Variants in DNER observed in about 807,000 individuals in gnomAD.
DNER encodes delta/notch like EGF repeat containing.
In DNER, 33 loss-of-function variants were observed where a neutral mutation model predicts 78.2. The observed-to-expected ratio is 0.42, with a 90% CI of 0.32 to 0.56. The LOEUF (loss-of-function observed/expected upper bound fraction) is 0.56. Among genes scored for constraint, DNER ranks in the 20% least tolerant of loss-of-function variants. The pLI is 0.11. For synonymous variants in DNER, 417 were observed against 384.8 expected (o/e 1.08, Z -0.98); for missense variants, 918 against 975.3 (o/e 0.94, Z 0.78).
chr2:229,360,501 C>T (rs1692187585), intron 12 of DNER, among the ~76,000 whole-genome samples: 1 of 152,174 alleles, frequency 6.6e-6, no homozygotes, highest in Non-Finnish European at 1.5e-5. Flanking sequence ...CAAGCTCCAC[C>T]TCCTATGTTC....
chr2:229,674,051 C>G (rs1286772631), intron 1 of DNER, among the ~76,000 whole-genome samples: 1 of 152,202 alleles, frequency 6.6e-6, no homozygotes, highest in East Asian at 1.9e-4. Flanking sequence ...GAACACAACC[C>G]CTATTGGTCT....
At chr2:229,490,986 C>T (rs1695386675) in intron 6 of DNER, among the ~76,000 whole-genome samples, 1 of 152,156 alleles carries the variant, frequency 6.6e-6, no homozygotes, top group Non-Finnish European at 1.5e-5. Flanking sequence ...GTTTATTCTG[C>T]CCCAGACTCC....
At chr2:229,442,133 GA>G (rs1187574721) in intron 8 of DNER, among the ~76,000 whole-genome samples, 1 of 152,102 alleles carries the variant, frequency 6.6e-6, no homozygotes, top group African/African-American at 2.4e-5. Context: ...GGATCTGGAG[GA>G]AAAAGGTAAT....
At chr2:229,493,831 G>A (rs767983528) in intron 6 of DNER, among the ~76,000 whole-genome samples, 10 of 152,142 alleles carry the variant, frequency 6.6e-5, no homozygotes, top group Non-Finnish European at 1.0e-4. Flanking sequence ...GAAGAAGCAG[G>A]CCCAGAGAGT....
chr2:229,677,347 C>T (rs1207664844), intron 1 of DNER, among the ~76,000 whole-genome samples: 3 of 152,130 alleles, frequency 2.0e-5, no homozygotes, highest in Middle Eastern at 3.2e-3. Context: ...ATCATGAGCT[C>T]GATCACTCTG....
At chr2:229,481,177 G>C (rs1278883105) in intron 6 of DNER, among the ~76,000 whole-genome samples, 1 of 152,152 alleles carries the variant, frequency 6.6e-6, no homozygotes, top group South Asian at 2.1e-4. Context: ...TGCTTGGTGC[G>C]AGCGTTTCCC....
At chr2:229,711,022 G>T (rs1050113096) in intron 1 of DNER, among the ~76,000 whole-genome samples, 4 of 102,566 alleles carry the variant, frequency 3.9e-5, no homozygotes, top group African/African-American at 1.5e-4. Context: ...CACACACACA[G>T]GATACAAAAA....
intron 11 of DNER, among the ~76,000 whole-genome samples, chr2:229,370,862 C>A (rs116321889): frequency 0.014 from 2,068 of 152,280 alleles, 20 homozygotes; most frequent in Non-Finnish European, 0.02. Context: ...AGCTTCATAG[C>A]ATTAACCTAC....
At chr2:229,631,888 G>A (rs746874019) in intron 1 of DNER, among the ~76,000 whole-genome samples, 4 of 152,194 alleles carry the variant, frequency 2.6e-5, no homozygotes, top group Non-Finnish European at 5.9e-5. Context: ...AGAATTAAAC[G>A]AGCTAACAAA....
At chr2:229,640,760 T>C (rs1011299580) in intron 1 of DNER, among the ~76,000 whole-genome samples, 2 of 152,218 alleles carry the variant, frequency 1.3e-5, no homozygotes, top group African/African-American at 4.8e-5. Context: ...GCTGAGGACC[T>C]AGCGGAAGTT....
At chr2:229,461,067 C>T (rs957457075) in intron 7 of DNER, among the ~76,000 whole-genome samples, 4 of 152,002 alleles carry the variant, frequency 2.6e-5, no homozygotes, top group African/African-American at 9.7e-5. Context: ...TTTTACAACA[C>T]AAGGTGGAAA....
chr2:229,410,362 G>A (rs149223219), intron 9 of DNER, among the ~76,000 whole-genome samples: 3 of 152,308 alleles, frequency 2.0e-5, no homozygotes, highest in African/African-American at 7.2e-5. Context: ...ATAATGCGTG[G>A]AAGAAATTAT....
At chr2:229,424,600 T>A (rs1693835788) in intron 8 of DNER, among the ~76,000 whole-genome samples, 2 of 152,304 alleles carry the variant, frequency 1.3e-5, no homozygotes, top group South Asian at 4.2e-4. Context: ...CTTTTCTCTG[T>A]GTGTGAGTGC....
At chr2:229,636,096 G>A (rs1014258227) in intron 1 of DNER, among the ~76,000 whole-genome samples, 9 of 152,154 alleles carry the variant, frequency 5.9e-5, no homozygotes, top group South Asian at 2.1e-4. Context: ...ACATTCTCCC[G>A]TGGCACACCG....
At chr2:229,552,516 G>T (rs1211153225) in intron 4 of DNER, among the ~76,000 whole-genome samples, 1 of 152,194 alleles carries the variant, frequency 6.6e-6, no homozygotes, top group Non-Finnish European at 1.5e-5. Flanking sequence ...TCACCCTCAT[G>T]CTGTTCTCCT....
At chr2:229,524,968 C>T (rs1056688915) in intron 5 of DNER, among the ~76,000 whole-genome samples, 2 of 152,170 alleles carry the variant, frequency 1.3e-5, no homozygotes, top group African/African-American at 2.4e-5. Flanking sequence ...GAACTCCCTT[C>T]GGGACGTCCC....
At chr2:229,416,028 A>G (rs114213689) in intron 9 of DNER, among the ~76,000 whole-genome samples, 2 of 152,334 alleles carry the variant, frequency 1.3e-5, no homozygotes, top group African/African-American at 4.8e-5. Context: ...CTATTTGAAA[A>G]TAAGACTTTC....
chr2:229,577,354 T>C (rs1012303890), intron 4 of DNER, among the ~76,000 whole-genome samples: 1 of 152,212 alleles, frequency 6.6e-6, no homozygotes, highest in Non-Finnish European at 1.5e-5. Context: ...GGGGCAGTTA[T>C]AGAAAATGGG....
rs145258500 is a variant in DNER at position 229,474,066 on chromosome 2, C to G, written c.1261+3074G>C. Among the ~76,000 whole-genome samples the G allele has an allele frequency of 2.0e-5, 3 of 152,118 alleles. No homozygotes were observed. The East Asian group carries it at 5.8e-4, about 29-fold the overall frequency. Reference sequence around the variant, plus strand: ...GATTACAGGTGTGTGCCACCACACCCGGCTAAATTTTATATTTTTAGTAGA... The same window carrying G: ...GATTACAGGTGTGTGCCACCACACCGGGCTAAATTTTATATTTTTAGTAGA... On this transcript the variant is annotated intron_variant, in intron 7 of 12. Coordinates refer to ENST00000341772, the MANE Select transcript of DNER (RefSeq NM_139072.4).
Sources: allele counts gnomAD v4.1 joint callset (sites outside exome capture counted in the v4.1 genomes callset), GRCh38; gene constraint gnomAD v4.1.1; transcripts MANE v1.5; gene names NCBI Gene and HGNC (gene_info 2026-07-23, HGNC 2026-07-21).